NRXN3: variants seen among roughly 807,000 people sequenced by gnomAD.
The protein encoded by NRXN3 is neurexin 3, also known as neurexin III.
NRXN3 carries 32 observed loss-of-function variants against 137.6 expected under a neutral mutation model. The ratio of observed to expected loss-of-function variants is 0.23; its 90% CI spans 0.18 to 0.31. NRXN3 has a LOEUF of 0.31. NRXN3 is among the 10% of genes least tolerant of loss of function. NRXN3 has a pLI of 1.00. For synonymous variants in NRXN3, 798 were observed against 784.5 expected (o/e 1.02, Z -0.29); for missense variants, 1,574 against 2,062.5 (o/e 0.76, Z 4.59).
chr14:79,028,601 T>C (rs1326284727), intron 15 of NRXN3, among the ~76,000 whole-genome samples: 1 of 152,188 alleles, frequency 6.6e-6, no homozygotes, highest in African/African-American at 2.4e-5. Flanking sequence ...ATGTACTGTT[T>C]ACTGCAGTAT....
intron 17 of NRXN3, among the ~76,000 whole-genome samples, chr14:79,675,475 C>A (rs1414330124): frequency 6.6e-6 from 1 of 151,992 alleles, no homozygotes; most frequent in Admixed American, 6.6e-5. Flanking sequence ...CTGGGGGAAC[C>A]CTGATTTAAA....
At chr14:79,438,716 G>A (rs1424010654) in intron 15 of NRXN3, among the ~76,000 whole-genome samples, 2 of 152,198 alleles carry the variant, frequency 1.3e-5, no homozygotes, top group Non-Finnish European at 2.9e-5. Context: ...AAGGGAATGT[G>A]AAATAAAAAC....
intron 4 of NRXN3, among the ~76,000 whole-genome samples, chr14:78,360,915 C>T (rs1301050066): frequency 1.3e-5 from 2 of 152,134 alleles, no homozygotes; most frequent in Non-Finnish European, 2.9e-5. Flanking sequence ...ACCACTTTTT[C>T]CTCAGGTACC....
intron 20 of NRXN3, among the ~76,000 whole-genome samples, chr14:79,856,341 T>C (rs1354886145): frequency 1.3e-5 from 2 of 152,176 alleles, no homozygotes; most frequent in Non-Finnish European, 2.9e-5. Flanking sequence ...CACTTCTATG[T>C]CACCAAAGAG....
chr14:79,055,034 A>T (rs1291910847), intron 15 of NRXN3, among the ~76,000 whole-genome samples: 1 of 152,170 alleles, frequency 6.6e-6, no homozygotes, highest in Non-Finnish European at 1.5e-5. Flanking sequence ...GTGTTCCATT[A>T]GTATGTGGGA....
chr14:79,015,379 C>T lies in NRXN3; in HGVS notation c.3262+27238C>T, dbSNP rs115905902. Among the ~76,000 whole-genome samples, 368 of 152,264 alleles carry T rather than the reference C, an allele frequency of 2.4e-3. 2 individuals are homozygous for T. The highest frequency in any genetic ancestry group is 8.0e-3 in the African/African-American group (332 of 41,542). On this transcript the variant is annotated intron_variant, in intron 15 of 20. Coordinates refer to ENST00000335750, the MANE Select transcript of NRXN3 (RefSeq NM_001330195.2). The stretch of plus-strand genomic sequence containing the variant: ...AGATCATTTTCAATTCTGCAAACCA[C>T]GGCTGAGAAAGATGGCAGTGTGTAA...
At chr14:78,861,112 A>T (rs763566757) in intron 10 of NRXN3, among the ~76,000 whole-genome samples, 1 of 152,152 alleles carries the variant, frequency 6.6e-6, no homozygotes, top group Non-Finnish European at 1.5e-5. Flanking sequence ...TCTGCATAAA[A>T]GTCTTCACAA....
intron 16 of NRXN3, among the ~76,000 whole-genome samples, chr14:79,606,341 G>C (rs1189451226): frequency 6.6e-6 from 1 of 152,222 alleles, no homozygotes; most frequent in African/African-American, 2.4e-5. Context: ...AAGCTTTAGA[G>C]TAATTTCTAG....
rs527286127 is a variant in NRXN3, at chr14:78,622,788, T to A, written c.758-22332T>A. 3.5e-4 allele frequency among the ~76,000 whole-genome samples: 53 copies of A among 152,366 alleles called. 1 individual carries two copies. In the South Asian group the frequency reaches 3.7e-3, roughly 11 times the overall value. On this transcript the variant is annotated intron_variant, in intron 4 of 20. Coordinates refer to ENST00000335750, the MANE Select transcript of NRXN3 (RefSeq NM_001330195.2). Reference sequence around the variant, plus strand: ...GGAGAAACATTCTGGATTTTGTATTTCTTGACCTTTCCGTGCTTTCATTTG... The same window carrying A: ...GGAGAAACATTCTGGATTTTGTATTACTTGACCTTTCCGTGCTTTCATTTG...
At chr14:79,745,550 G>A (rs192995503) in intron 19 of NRXN3, among the ~76,000 whole-genome samples, 33 of 152,208 alleles carry the variant, frequency 2.2e-4, no homozygotes, top group African/African-American at 7.9e-4. Flanking sequence ...GAGAATCCAC[G>A]TCTCCTTCTC....
chr14:79,362,973 G>A (rs2093739910), intron 15 of NRXN3, among the ~76,000 whole-genome samples: 1 of 151,946 alleles, frequency 6.6e-6, no homozygotes, highest in African/African-American at 2.4e-5. Flanking sequence ...GATAGAAATG[G>A]TGAGTGACCA....
intron 16 of NRXN3, among the ~76,000 whole-genome samples, chr14:79,657,987 A>T (rs2098514624): frequency 6.6e-6 from 1 of 152,212 alleles, no homozygotes; most frequent in Non-Finnish European, 1.5e-5. Context: ...CCATTAATTT[A>T]ACAAACATTT....
At position 79,501,892 on chromosome 14, in the gene NRXN3, C is replaced by G. The variant is rs369628802; in HGVS notation, c.3444+34490C>G. Among the ~76,000 whole-genome samples, 6 of 152,132 alleles carry G rather than the reference C, an allele frequency of 3.9e-5. No homozygotes were observed. The East Asian group carries it at 1.2e-3, about 29-fold the overall frequency. On this transcript the variant is annotated intron_variant, in intron 16 of 20. Coordinates refer to ENST00000335750, the MANE Select transcript of NRXN3 (RefSeq NM_001330195.2). Reference sequence around the variant, plus strand: ...GGGCTTCCCCTAGTTATATTTTTATCTGATTGGGATATTGAAATTATATTA... The same window carrying G: ...GGGCTTCCCCTAGTTATATTTTTATGTGATTGGGATATTGAAATTATATTA...
chr14:78,926,780 T>A (rs1225351006), intron 10 of NRXN3, among the ~76,000 whole-genome samples: 2 of 38,576 alleles, frequency 5.2e-5, no homozygotes, highest in African/African-American at 1.9e-4. Context: ...ATTATATATA[T>A]AAAATATATT....
intron 15 of NRXN3, among the ~76,000 whole-genome samples, chr14:79,447,698 C>G (rs1241614919): frequency 2.0e-5 from 3 of 152,172 alleles, no homozygotes; most frequent in East Asian, 1.9e-4. Flanking sequence ...TTGGATAGCT[C>G]TAGGAAGTGC....
chr14:79,130,079 C>G (rs865798329), intron 15 of NRXN3, among the ~76,000 whole-genome samples: 1 of 151,664 alleles, frequency 6.6e-6, no homozygotes, highest in Non-Finnish European at 1.5e-5. Flanking sequence ...TGTCTCTGCA[C>G]GTGAGATGGG....
At chr14:78,825,107 A>G (rs1307558723) in intron 10 of NRXN3, among the ~76,000 whole-genome samples, 1 of 151,112 alleles carries the variant, frequency 6.6e-6, no homozygotes, top group Admixed American at 6.6e-5. Context: ...CTGGATAGAA[A>G]TTTATATCCA....
intron 15 of NRXN3, among the ~76,000 whole-genome samples, chr14:79,158,753 A>C (rs538700551): frequency 6.6e-6 from 1 of 152,006 alleles, no homozygotes. Context: ...CTATGATACC[A>C]GTGATTTAGT....
chr14:78,793,604 C>T (rs2098812065), intron 8 of NRXN3, among the ~76,000 whole-genome samples: 1 of 152,172 alleles, frequency 6.6e-6, no homozygotes. Flanking sequence ...ATTTCTCCAG[C>T]AGTGATGTGT....
Sources: allele counts gnomAD v4.1 joint callset (sites outside exome capture counted in the v4.1 genomes callset), GRCh38; gene constraint gnomAD v4.1.1; transcripts MANE v1.5; gene names NCBI Gene and HGNC (gene_info 2026-07-23, HGNC 2026-07-21).